ADGRL1: variants seen among roughly 807,000 people sequenced by gnomAD.
ADGRL1 encodes CIRL-1.
A neutral mutation model predicts 148.9 loss-of-function variants in ADGRL1; 31 were observed. That is an observed-to-expected ratio of 0.21 (90% CI 0.16 to 0.28). The LOEUF (loss-of-function observed/expected upper bound fraction) is 0.28, where lower values mean the gene tolerates loss of function less well. ADGRL1 is among the 10% of genes least tolerant of loss of function. ADGRL1 has a pLI of 1.00. For synonymous variants in ADGRL1, 937 were observed against 900.3 expected (o/e 1.04, Z -0.73); for missense variants, 1,521 against 2,058.8 (o/e 0.74, Z 5.05).
chr19:14,174,834 T>A, intron 3 of ADGRL1, among the ~76,000 whole-genome samples: 1 of 137,362 alleles, frequency 7.3e-6, no homozygotes, highest in South Asian at 2.3e-4. Flanking sequence ...CTGCACCTGG[T>A]CTGTTTTTTT....
chr19:14,204,005 C>T (rs894832549), intron 1 of ADGRL1, among the ~76,000 whole-genome samples: 12 of 151,306 alleles, frequency 7.9e-5, no homozygotes, highest in African/African-American at 2.9e-4. Flanking sequence ...CACATGTGAG[C>T]GCACACGTAT....
At chr19:14,154,182 C>A (rs1353989240) in intron 18 of ADGRL1, among the ~76,000 whole-genome samples, 1 of 152,018 alleles carries the variant, frequency 6.6e-6, no homozygotes, top group Non-Finnish European at 1.5e-5. Context: ...TGCCTTTGAC[C>A]GTGTGTCCAA....
rs745828169 is a variant in ADGRL1 at position 14,157,431 on chromosome 19, C to G, written c.2565G>C (p.Leu855=). 3.7e-6 allele frequency: 6 copies of G among 1,614,014 alleles called. No individual in the cohort carries two copies. The highest frequency in any genetic ancestry group is 8.5e-7 in the Non-Finnish European group (1 of 1,180,042). Residue 855 remains leucine (L), a synonymous_variant, in exon 14 of 23, where the codon CTG becomes CTC. Transcript: ENST00000361434. The surrounding 1 kb of genome is among the most constrained non-coding windows in gnomAD (Gnocchi z 7.5). ...IYQGRINELL[L]SVITWVGIVI... is the part of the protein sequence containing the mutation. ...CAATGCCCACCCAGGTGATGACCGA[C>G]AGCAGCAGCTCGTTGATGCGGCCCT...
chr19:14,160,795 GA>G lies in ADGRL1; in HGVS notation c.1511-100del, dbSNP rs1315709818. ...AAGGAGATGACAGAGAGTGGGGGAC[GA>G]GCGGGCGAAGAGGGAGGTGAGGGAA... On this transcript the variant is annotated intron_variant, in intron 6 of 22. Transcript: ENST00000361434. The surrounding 1 kb of genome is among the most constrained non-coding windows in gnomAD (Gnocchi z 5.9). 1 of 746,364 alleles carries G rather than the reference GA, an allele frequency of 1.3e-6. No homozygotes were observed. Among genetic ancestry groups the G allele is most frequent in the Non-Finnish European group, 2.4e-6 (1 of 415,010 alleles). 46.2% of individuals were successfully genotyped at this position (746,364 alleles called of 1,614,324 possible). A position where few individuals can be genotyped will look rare whatever the true frequency, so the allele number is the denominator to read the frequency against.
chr19:14,158,601 A>G (rs866309211), intron 11 of ADGRL1, 49 bp from the exon 12 acceptor site: 1 of 1,485,142 alleles, frequency 6.7e-7, no homozygotes, highest in East Asian at 2.3e-5. Context: ...CAGCTGGCGC[A>G]CCTCCATCCA....
In ADGRL1 at chr19:14,149,950, T is replaced by C. The variant is rs1463877269; in HGVS notation, c.*923A>G. ...TTTTTTTTTTTTTGTCTTTTTTTTT[T>C]CTTTTCCATTTCGTTGAAATATTTA... On this transcript the variant is annotated 3_prime_UTR_variant, in exon 23 of 23. Coordinates refer to ENST00000361434, the MANE Select transcript of ADGRL1 (RefSeq NM_014921.5). 2 of 150,614 alleles carry C rather than the reference T, an allele frequency of 1.3e-5. No homozygotes were observed. The highest frequency in any genetic ancestry group is 3.0e-5 in the Non-Finnish European group (2 of 67,508). The allele number at this position is 150,614 out of a possible 1,614,324, so 9.3% of individuals were successfully genotyped here. A position where few individuals can be genotyped will look rare whatever the true frequency, so the allele number is the denominator to read the frequency against.
chr19:14,189,652 C>T (rs978379580), intron 1 of ADGRL1, among the ~76,000 whole-genome samples: 16 of 152,140 alleles, frequency 1.1e-4, no homozygotes, highest in Non-Finnish European at 2.1e-4. Flanking sequence ...GGGTGGAGCA[C>T]GTTTTCTTTA....
At position 14,161,541 on chromosome 19, in the gene ADGRL1, G is replaced by C. The variant is rs781295441; in HGVS notation, c.1281C>G (p.Thr427=). The part of the protein sequence containing the change: ...LTSTASPAAT[T]PLRRAPLTTH... ...TGGTGAGGGGTGCCCGGCGGAGCGG[G>C]GTGGTGGCTGCGGGCGAGGCTGTGC... The change falls in exon 6 of 23, where the codon ACC becomes ACG. Residue 427 remains threonine, a synonymous_variant. Transcript: ENST00000361434. This position sits in a 1 kb window ranked among gnomAD's most constrained non-coding sequence, Gnocchi z 4.4. 6.9e-7 allele frequency: 1 copy of C among 1,455,984 alleles called. No homozygotes were observed. Among genetic ancestry groups the C allele is most frequent in the Non-Finnish European group, 9.1e-7 (1 of 1,104,862 alleles). The allele number at this position is 1,455,984 out of a possible 1,614,324, so 90.2% of individuals were successfully genotyped here.
chr19:14,156,518 C>T (rs949378205), intron 16 of ADGRL1, 140 bp downstream of exon 16: 12 of 669,766 alleles, frequency 1.8e-5, no homozygotes, highest in African/African-American at 1.0e-4. Flanking sequence ...TCCTCTCAGC[C>T]GGTGGCTCAG....
intron 1 of ADGRL1, among the ~76,000 whole-genome samples, chr19:14,205,505 C>A (rs968624015): frequency 6.6e-6 from 1 of 152,030 alleles, no homozygotes; most frequent in African/African-American, 2.4e-5. Context: ...GACACGGCTC[C>A]TCTGGGGCGC....
rs1337741491 is a variant in ADGRL1, at chr19:14,160,763, A to G, written c.1511-67T>C. 1.3e-5 allele frequency: 12 copies of G among 901,400 alleles called. No individual in the cohort carries two copies. Among genetic ancestry groups the G allele is most frequent in the Non-Finnish European group, 1.8e-5 (10 of 544,074 alleles). 55.8% of individuals were successfully genotyped at this position (901,400 alleles called of 1,614,324 possible). On this transcript the variant is annotated intron_variant, in intron 6 of 22. Coordinates refer to ENST00000361434, the MANE Select transcript of ADGRL1 (RefSeq NM_014921.5). The surrounding 1 kb of genome is among the most constrained non-coding windows in gnomAD (Gnocchi z 5.9). ...GGAAGAAGAGAAGGATGGGACAGAG[A>G]GGGGGAAAGGAGATGACAGAGAGTG... is the stretch of plus-strand genomic sequence containing the variant.
chr19:14,195,181 T>G (rs1371826072), intron 1 of ADGRL1, among the ~76,000 whole-genome samples: 1 of 152,038 alleles, frequency 6.6e-6, no homozygotes, highest in Non-Finnish European at 1.5e-5. Flanking sequence ...AGGAATCCAT[T>G]GCACCCAGCC....
Position 14,160,917 on chromosome 19 carries a change from C to G in ADGRL1, c.1511-221G>C, listed in dbSNP as rs570479630. Among the ~76,000 whole-genome samples, 5 of 152,272 alleles carry G rather than the reference C, an allele frequency of 3.3e-5. No individual in the cohort carries two copies. In the East Asian group the frequency reaches 9.7e-4, roughly 29 times the overall value. On this transcript the variant is annotated intron_variant, in intron 6 of 22. Transcript: ENST00000361434. The surrounding 1 kb of genome is among the most constrained non-coding windows in gnomAD (Gnocchi z 5.9). ...CTCCTGCCCCCTTCTGTCTTTGCCT[C>G]CAGAGTTAGAACCTTCCAGCAAGGC...
At chr19:14,163,459 G>A in intron 4 of ADGRL1, 53 bp from the exon 5 acceptor site, 2 of 1,232,178 alleles carry the variant, frequency 1.6e-6, no homozygotes, top group Non-Finnish European at 2.2e-6. Flanking sequence ...GCAGAGGCGA[G>A]AGGGAGGAGA....
Position 14,177,879 on chromosome 19 carries a change from G to A in ADGRL1, c.71-135C>T, listed in dbSNP as rs1177435841. 4 of 706,598 alleles carry A rather than the reference G, an allele frequency of 5.7e-6. No individual in the cohort carries two copies. In the African/African-American group the frequency reaches 7.1e-5, roughly 13 times the overall value. 43.8% of individuals were successfully genotyped at this position (706,598 alleles called of 1,614,324 possible). ...AGCTGAGGCAGCCTCAGTTGATTCAGCTGTAGAATGGGCCTCTCAGTGTGC... is the reference window on the plus strand; with the variant it reads ...AGCTGAGGCAGCCTCAGTTGATTCAACTGTAGAATGGGCCTCTCAGTGTGC... On this transcript the variant is annotated intron_variant, in intron 2 of 22. Transcript: ENST00000361434.
chr19:14,163,434 G>A (rs1430414125), intron 4 of ADGRL1, 28 bp from the exon 5 acceptor site: 1 of 1,481,538 alleles, frequency 6.7e-7, no homozygotes, highest in Non-Finnish European at 9.1e-7. Context: ...GAGGGGAGGA[G>A]GTAGGAGAGA....
At chr19:14,175,811 G>T (rs1970788310) in intron 3 of ADGRL1, among the ~76,000 whole-genome samples, 1 of 152,032 alleles carries the variant, frequency 6.6e-6, no homozygotes. Context: ...AGCACTTAAG[G>T]GGGCCAAGGC....
intron 2 of ADGRL1, among the ~76,000 whole-genome samples, chr19:14,178,214 G>A (rs1970952204): frequency 6.6e-6 from 1 of 152,076 alleles, no homozygotes; most frequent in Admixed American, 6.6e-5. Context: ...TATAAAAACG[G>A]GCAATTTTGG....
chr19:14,177,481 T>G, intron 3 of ADGRL1, 50 bp downstream of exon 3: 1 of 1,546,474 alleles, frequency 6.5e-7, no homozygotes, highest in Non-Finnish European at 8.9e-7. Context: ...AGGTGTGCAG[T>G]GCTTTTAGGC....
Sources: gnomAD v4.1 joint callset for allele counts (sites outside exome capture counted in the v4.1 genomes callset) on GRCh38, gnomAD v4.1.1 for gene constraint, Gnocchi (gnomAD v3.1) non-coding constraint, MANE v1.5 for transcripts, NCBI Gene and HGNC (gene_info 2026-07-23, HGNC 2026-07-21) for gene names.